The following GOSR2 variants were observed in gnomAD, a reference collection of about 807,000 sequenced individuals.
The protein encoded by GOSR2 is golgi SNAP receptor complex member 2.
Under a neutral mutation model 27.9 loss-of-function variants are expected in GOSR2, and 20 were observed. The ratio of observed to expected loss-of-function variants is 0.72; its 90% CI spans 0.50 to 1.04. The LOEUF is 1.04. GOSR2 is among the 50% of genes least tolerant of loss of function. GOSR2 has a pLI of 0.00. For missense variants in GOSR2, 261 were observed against 270.5 expected (o/e 0.97, Z 0.25); for synonymous variants, 91 against 98.8 (o/e 0.92, Z 0.47).
At chr17:46,951,887 T>C (rs998218737) in intron 6 of GOSR2, among the ~76,000 whole-genome samples, 3 of 151,916 alleles carry the variant, frequency 2.0e-5, no homozygotes, top group Non-Finnish European at 4.4e-5. Flanking sequence ...GCCTCGCTGC[T>C]TCTCCCCCCC....
At chr17:46,946,282 C>CAAAAAAAA (rs58163051), downstream of GOSR2, among the ~76,000 whole-genome samples, 2 of 126,686 alleles carry the variant, frequency 1.6e-5, no homozygotes, top group African/African-American at 3.2e-5. Flanking sequence ...CTAAAAATAC[C>CAAAAAAAA]AAAAAAAAAA....
At chr17:46,953,848 T>C (rs1357466701) in intron 6 of GOSR2, among the ~76,000 whole-genome samples, 4 of 152,374 alleles carry the variant, frequency 2.6e-5, no homozygotes, top group East Asian at 1.9e-4. Flanking sequence ...TTTTGAGAAG[T>C]GTATGTTCAT....
chr17:46,923,380 A>G, intron 1 of GOSR2, 159 bp downstream of exon 1: 10 of 1,465,398 alleles, frequency 6.8e-6, no homozygotes, highest in Middle Eastern at 1.8e-4. Context: ...CCTTGGCGGG[A>G]CTCCCAGGTC....
intron 6 of GOSR2, among the ~76,000 whole-genome samples, chr17:46,974,747 A>ATG (rs1568222565): frequency 2.2e-5 from 1 of 45,164 alleles, no homozygotes; most frequent in Admixed American, 2.1e-4. Flanking sequence ...AAAAAAAAAA[A>ATG]AAGGTCATCT....
At chr17:46,952,291 T>C (rs963794649) in intron 6 of GOSR2, among the ~76,000 whole-genome samples, 2 of 152,210 alleles carry the variant, frequency 1.3e-5, no homozygotes, top group African/African-American at 2.4e-5. Context: ...GCCTGGTCCA[T>C]GCAGGACTGG....
Position 46,939,778 on chromosome 17 carries a change from C to G in GOSR2, c.*1018C>G. ...TGTTTTCAGGGACTACAACCTTTTT[C>G]CTTCTGTGACCAGCCCCGGATTCAG... On this transcript the variant is annotated 3_prime_UTR_variant, in exon 6 of 6. Coordinates refer to ENST00000640051, the MANE Select transcript of GOSR2 (RefSeq NM_004287.5). The G allele has an allele frequency of 1.0e-6, 1 of 987,352 alleles. No homozygotes were observed. Among genetic ancestry groups the G allele is most frequent in the Non-Finnish European group, 1.2e-6 (1 of 831,212 alleles). 61.2% of individuals were successfully genotyped at this position (987,352 alleles called of 1,614,324 possible). A position where few individuals can be genotyped will look rare whatever the true frequency, so the allele number is the denominator to read the frequency against.
chr17:46,939,511 CTG>C lies in GOSR2; in HGVS notation c.*754_*755del, dbSNP rs2088959987. On this transcript the variant is annotated 3_prime_UTR_variant, in exon 6 of 6. Transcript: ENST00000640051. ...GTGGTTGGCTTTTAAGGTTCAGAGA[CTG>C]TGGCTTGGCACCTGCGCCCAGGCTT... 1 of 985,880 alleles carries C rather than the reference CTG, an allele frequency of 1.0e-6. No individual in the cohort carries two copies. Among genetic ancestry groups the C allele is most frequent in the Non-Finnish European group, 1.2e-6 (1 of 830,266 alleles). 61.1% of individuals were successfully genotyped at this position (985,880 alleles called of 1,614,324 possible).
chr17:46,925,251 C>G (rs976529555), intron 1 of GOSR2, among the ~76,000 whole-genome samples: 3 of 152,196 alleles, frequency 2.0e-5, no homozygotes, highest in Non-Finnish European at 4.4e-5. Context: ...ATTGATGTAC[C>G]TGTGTTCCAG....
intron 6 of GOSR2, chr17:46,952,872 C>T (rs1387699611): frequency 1.3e-5 from 2 of 151,902 alleles, no homozygotes; most frequent in Non-Finnish European, 2.9e-5. Context: ...GTGAAAGACC[C>T]CTCAGTGCAA....
chr17:46,949,628 G>A (rs2090178793), intron 6 of GOSR2, among the ~76,000 whole-genome samples: 2 of 152,202 alleles, frequency 1.3e-5, no homozygotes, highest in Admixed American at 6.5e-5. Flanking sequence ...ACATACATGA[G>A]CATGCAGCAA....
chr17:46,946,119 C>T (rs968366034), downstream of GOSR2, among the ~76,000 whole-genome samples: 1 of 151,938 alleles, frequency 6.6e-6, no homozygotes, highest in Non-Finnish European at 1.5e-5. Flanking sequence ...TGTCGTCACT[C>T]ACTTGGAGGA....
chr17:46,939,293 G>A lies in GOSR2; in HGVS notation c.*533G>A. On this transcript the variant is annotated 3_prime_UTR_variant, in exon 6 of 6. Coordinates refer to ENST00000640051, the MANE Select transcript of GOSR2 (RefSeq NM_004287.5). ...GTGCCTCAGTGACATGTAGATGACT[G>A]ACTGCCAATACTTGTCACCATTCCC... 9.8e-7 allele frequency: 1 copy of A among 1,020,774 alleles called. No individual in the cohort carries two copies. The highest frequency in any genetic ancestry group is 8.2e-5 in the East Asian group (1 of 12,166). 63.2% of individuals were successfully genotyped at this position (1,020,774 alleles called of 1,614,324 possible).
chr17:46,936,325 G>A, intron 5 of GOSR2: 4 of 985,420 alleles, frequency 4.1e-6, no homozygotes, highest in Non-Finnish European at 4.8e-6. Flanking sequence ...GTGGGGGTTA[G>A]AGCGTCCTGT....
intron 6 of GOSR2, among the ~76,000 whole-genome samples, chr17:46,953,327 T>C (rs2090498658): frequency 6.6e-6 from 1 of 152,202 alleles, no homozygotes; most frequent in South Asian, 2.1e-4. Flanking sequence ...AATAGTTTGC[T>C]GAGAATGATG....
Position 46,939,824 on chromosome 17 carries a change from A to G in GOSR2, c.*1064A>G, listed in dbSNP as rs2089007708. The G allele has an allele frequency of 1.0e-6, 1 of 988,444 alleles. No individual in the cohort carries two copies. 61.2% of individuals were successfully genotyped at this position (988,444 alleles called of 1,614,324 possible). A position where few individuals can be genotyped will look rare whatever the true frequency, so the allele number is the denominator to read the frequency against. On this transcript the variant is annotated 3_prime_UTR_variant, in exon 6 of 6. Transcript: ENST00000640051. The stretch of plus-strand genomic sequence containing the variant: ...TTCAGGCTGTACTAATACCAGGTAT[A>G]TTGTGGAATTTAGTATAAAGGCCAA...
chr17:46,941,051 C>A lies in GOSR2; in HGVS notation c.*2291C>A, dbSNP rs186093347. On this transcript the variant is annotated 3_prime_UTR_variant, in exon 6 of 6. Transcript: ENST00000640051. ...TTAGGTCGAGCTGATGCAAGAAACT[C>A]CGGTAGCCAGCCTCTGTGACCTTGT... 1.8e-6 allele frequency: 2 copies of A among 1,085,452 alleles called. No individual in the cohort carries two copies. The allele number at this position is 1,085,452 out of a possible 1,614,324, so 67.2% of individuals were successfully genotyped here.
At position 46,960,857 on chromosome 17, in the gene GOSR2, T is replaced by A. The variant is rs1165874545; in HGVS notation, c.584-5677T>A. Among the ~76,000 whole-genome samples the A allele has an allele frequency of 2.0e-5, 3 of 151,572 alleles. No homozygotes were observed. In the East Asian group the frequency reaches 5.8e-4, roughly 29 times the overall value. ...GTTGTCTGCATTAAGGGAAGAAGAGTTTGTGGATTTGGCTACAAAGTGGCA... is the reference window on the plus strand; with the variant it reads ...GTTGTCTGCATTAAGGGAAGAAGAGATTGTGGATTTGGCTACAAAGTGGCA... On this transcript the variant is annotated intron_variant, in intron 6 of 6. Transcript: ENST00000573224.
chr17:46,970,834 A>G (rs1440549502), downstream of GOSR2, among the ~76,000 whole-genome samples: 2 of 152,268 alleles, frequency 1.3e-5, no homozygotes, highest in Non-Finnish European at 2.9e-5. Flanking sequence ...TCATACACTG[A>G]TAAGTGAAAA....
rs144732251 is a variant in GOSR2, at chr17:46,947,653, G to C, written c.583+8949G>C. On this transcript the variant is annotated intron_variant, in intron 6 of 6. Transcript: ENST00000573224. ...TGACTTTGCTGTTTATTAGCAGCCT[G>C]ACCTTGGGCTAATCACCCAAACCTC... is the stretch of plus-strand genomic sequence containing the variant. Among the ~76,000 whole-genome samples the C allele has an allele frequency of 1.9e-3, 295 of 152,296 alleles. 2 individuals carry two copies. The highest frequency in any genetic ancestry group is 6.8e-3 in the Middle Eastern group (2 of 292).
Sources: gnomAD v4.1 joint callset for allele counts (sites outside exome capture counted in the v4.1 genomes callset) on GRCh38, gnomAD v4.1.1 for gene constraint, MANE v1.5 for transcripts, NCBI Gene and HGNC (gene_info 2026-07-23, HGNC 2026-07-21) for gene names.